ATP10B: variants seen among roughly 807,000 people sequenced by gnomAD.
ATP10B encodes ATPase phospholipid transporting 10B (putative), also known as phospholipid-transporting ATPase VB.
A neutral mutation model predicts 141.2 loss-of-function variants in ATP10B; 122 were observed. The observed-to-expected ratio is 0.86, with a 90% CI of 0.75 to 1.00. The LOEUF (loss-of-function observed/expected upper bound fraction) is 1.00, where lower values mean the gene tolerates loss of function less well. Among genes scored for constraint, ATP10B ranks in the 50% least tolerant of loss-of-function variants. The probability of loss-of-function intolerance (pLI) is 0.00; values close to 1 mark genes in which losing one functional copy is unlikely to be tolerated. For missense variants in ATP10B, 1,876 were observed against 1,825.3 expected (o/e 1.03, Z -0.51); for synonymous variants, 685 against 692.0 (o/e 0.99, Z 0.16).
At chr5:160,595,811 C>A (rs1290331508) in intron 22 of ATP10B, among the ~76,000 whole-genome samples, 13 of 150,390 alleles carry the variant, frequency 8.6e-5, no homozygotes, top group Admixed American at 6.6e-4. Context: ...ATAAATTCCT[C>A]GACACATACA....
intron 6 of ATP10B, 29 bp from the exon 7 acceptor site, chr5:160,670,696 T>A (rs1561731955): frequency 5.0e-6 from 8 of 1,598,158 alleles, no homozygotes; most frequent in African/African-American, 4.0e-5. Context: ...AGGGTGTGAG[T>A]GAGCTTTAAG....
chr5:160,900,908 G>GTTTTTT, the ATP10B span, among the ~76,000 whole-genome samples: 72 of 88,984 alleles, frequency 8.1e-4, 1 homozygote, highest in African/African-American at 2.1e-3. Flanking sequence ...GGGTAGAGAA[G>GTTTTTT]TTTTTTTTTT....
At chr5:160,671,271 C>T (rs1762691238) in intron 6 of ATP10B, among the ~76,000 whole-genome samples, 1 of 150,082 alleles carries the variant, frequency 6.7e-6, no homozygotes, top group Non-Finnish European at 1.5e-5. Flanking sequence ...GTTCTGTGTT[C>T]AGCCCTTGCT....
chr5:160,686,249 G>C lies in ATP10B; in HGVS notation c.300C>G (p.Phe100Leu). 6.2e-7 allele frequency: 1 copy of C among 1,603,442 alleles called. No homozygotes were observed. Among genetic ancestry groups the C allele is most frequent in the Non-Finnish European group, 8.5e-7 (1 of 1,172,680 alleles). Reference protein sequence around the residue: ...FHRWANLYFLFLVILNWMPSM... With the variant: ...FHRWANLYFLLLVILNWMPSM... Reference sequence around the variant, plus strand: ...AGGGCATCCAGTTCAAAATCACCAGGAACAGGAAATAGAGGTTAGCCCATC... The same window carrying C: ...AGGGCATCCAGTTCAAAATCACCAGCAACAGGAAATAGAGGTTAGCCCATC... The change falls in exon 6 of 26, where the codon TTC becomes TTG. Residue 100 changes from phenylalanine to leucine, a missense_variant. Phe to Leu is a conservative substitution (Grantham distance 22). Transcript: ENST00000327245.
the ATP10B span, among the ~76,000 whole-genome samples, chr5:160,892,724 GATA>G: frequency 6.6e-6 from 1 of 152,108 alleles, no homozygotes; most frequent in Non-Finnish European, 1.5e-5. Flanking sequence ...AGTAAAAAAC[GATA>G]ATAAGAGACA....
chr5:160,863,474 A>T, the ATP10B span, among the ~76,000 whole-genome samples: 2,029 of 152,152 alleles, frequency 0.013, 22 homozygotes, highest in Non-Finnish European at 0.022. Flanking sequence ...GTTAAGAGGA[A>T]AGTTCATAGC....
chr5:160,895,121 C>A, the ATP10B span, among the ~76,000 whole-genome samples: 1 of 152,168 alleles, frequency 6.6e-6, no homozygotes, highest in Non-Finnish European at 1.5e-5. Context: ...TAAAGACCAT[C>A]GAAATTATGA....
chr5:160,812,638 G>A (rs1237100990), intron 1 of ATP10B, among the ~76,000 whole-genome samples: 1 of 152,070 alleles, frequency 6.6e-6, no homozygotes, highest in Non-Finnish European at 1.5e-5. Flanking sequence ...GTCTTTAATA[G>A]CAGAATTGAT....
chr5:160,651,977 C>CA (rs1760771631), intron 7 of ATP10B, among the ~76,000 whole-genome samples: 1 of 152,138 alleles, frequency 6.6e-6, no homozygotes, highest in South Asian at 2.1e-4. Context: ...AATCCAAACT[C>CA]ATTTCAGATA....
At chr5:160,900,913 T>G in the ATP10B span, among the ~76,000 whole-genome samples, 1 of 136,502 alleles carries the variant, frequency 7.3e-6, no homozygotes, top group Non-Finnish European at 1.5e-5. Flanking sequence ...GAGAAGTTTT[T>G]TTTTTTTTTT....
the ATP10B span, among the ~76,000 whole-genome samples, chr5:160,873,580 C>T: frequency 1.3e-4 from 20 of 152,338 alleles, no homozygotes; most frequent in Admixed American, 3.9e-4. Context: ...CCAGCGTGAG[C>T]GACACAGAAG....
chr5:160,660,012 T>C (rs1761803657), intron 7 of ATP10B, among the ~76,000 whole-genome samples: 1 of 152,160 alleles, frequency 6.6e-6, no homozygotes, highest in African/African-American at 2.4e-5. Flanking sequence ...AATTTCAACC[T>C]CATAGAATTT....
At chr5:160,747,268 C>A (rs1324571429) in intron 2 of ATP10B, among the ~76,000 whole-genome samples, 2 of 152,154 alleles carry the variant, frequency 1.3e-5, no homozygotes, top group Non-Finnish European at 2.9e-5. Flanking sequence ...CAGTTTGTGA[C>A]CCTGGATTCC....
the ATP10B span, among the ~76,000 whole-genome samples, chr5:160,881,013 T>A: frequency 6.6e-6 from 1 of 152,090 alleles, no homozygotes; most frequent in South Asian, 2.1e-4. Context: ...AGACATAGAC[T>A]GGGAGGAAAT....
intron 25 of ATP10B, among the ~76,000 whole-genome samples, chr5:160,566,508 GC>G (rs1443261538): frequency 6.6e-6 from 1 of 152,178 alleles, no homozygotes; most frequent in Admixed American, 6.5e-5. Flanking sequence ...AGAAATAGGG[GC>G]CCCAAGAGGT....
At chr5:160,703,497 G>A (rs960595395) in intron 3 of ATP10B, among the ~76,000 whole-genome samples, 1 of 135,516 alleles carries the variant, frequency 7.4e-6, no homozygotes, top group African/African-American at 2.8e-5. Context: ...TTTTTTTTTA[G>A]ATGGAGTCTC....
At chr5:160,717,055 T>C in intron 2 of ATP10B, 21 bp from the exon 3 acceptor site, 10 of 985,178 alleles carry the variant, frequency 1.0e-5, no homozygotes, top group Non-Finnish European at 1.2e-5. Flanking sequence ...GAAAAGAAAA[T>C]ATTGAGTAGG....
At chr5:160,885,232 GCT>G in the ATP10B span, among the ~76,000 whole-genome samples, 1 of 152,228 alleles carries the variant, frequency 6.6e-6, no homozygotes, top group Non-Finnish European at 1.5e-5. Context: ...GAATTGCAGA[GCT>G]CTGATTGTTC....
chr5:160,902,178 G>A, the ATP10B span, among the ~76,000 whole-genome samples: 1 of 152,150 alleles, frequency 6.6e-6, no homozygotes, highest in Admixed American at 6.5e-5. Context: ...TAGTTTTATA[G>A]AAGTCACTTG....
Sources: gnomAD v4.1 joint callset for allele counts (sites outside exome capture counted in the v4.1 genomes callset) on GRCh38, gnomAD v4.1.1 for gene constraint, MANE v1.5 for transcripts, NCBI Gene and HGNC (gene_info 2026-07-23, HGNC 2026-07-21) for gene names.